COL4A5: variants seen among roughly 807,000 people sequenced by gnomAD.
COL4A5 encodes collagen alpha-5(IV) chain.
Under a neutral mutation model 130.2 loss-of-function variants are expected in COL4A5, and 26 were observed. The ratio of observed to expected loss-of-function variants is 0.20; its 90% confidence interval spans 0.15 to 0.28. The LOEUF (loss-of-function observed/expected upper bound fraction) is 0.28, where lower values mean the gene tolerates loss of function less well. COL4A5 is among the 10% of genes least tolerant of loss of function. COL4A5 has a pLI of 1.00. For missense variants in COL4A5, 1,131 were observed against 1,344.3 expected, an observed-to-expected ratio of 0.84 and a Z score of 2.48; for synonymous variants, 496 against 439.6, an observed-to-expected ratio of 1.13 and a Z score of -1.60.
intron 27 of COL4A5, 28 bp from the exon 28 acceptor site, chrX:108,602,936 G>A (rs752715948): frequency 5.1e-5 from 53 of 1,035,002 alleles, no homozygotes; most frequent in Non-Finnish European, 6.8e-5. Context: ...TTCCTTTGGT[G>A]GTTAAAAAAT....
In COL4A5 at chrX:108,582,927, A is replaced by G. The variant is rs1443836040; in HGVS notation, c.980A>G (p.Asp327Gly). 2.5e-6 allele frequency: 3 copies of G among 1,200,074 alleles called. No homozygotes were observed. The highest frequency in any genetic ancestry group is 3.4e-6 in the Non-Finnish European group (3 of 886,652). ...DPGYPGEPGR[D>G]GEKGQKGDTG... Reference sequence around the variant, plus strand: ...GGTTACCCTGGTGAACCCGGAAGGGATGGTGAAAAGGTAAGAATTTTAATA... The same window carrying G: ...GGTTACCCTGGTGAACCCGGAAGGGGTGGTGAAAAGGTAAGAATTTTAATA... The change falls in exon 17 of 53, where the codon GAT (aspartate) becomes GGT (glycine). Residue 327 changes from aspartate (D) to glycine (G), a missense_variant. Physicochemically the swap from Asp to Gly is moderately conservative, Grantham distance 94. Transcript: ENST00000328300.
chrX:108,631,629 G>C (rs1369012017), intron 36 of COL4A5, among the ~76,000 whole-genome samples: 3 of 111,334 alleles, frequency 2.7e-5, no homozygotes, highest in Non-Finnish European at 5.7e-5. Flanking sequence ...ATAACAAACT[G>C]TCTCTCACAC....
At chrX:108,571,493 T>A in intron 7 of COL4A5, 27 bp downstream of exon 7, 1 of 1,101,602 alleles carries the variant, frequency 9.1e-7, no homozygotes, top group Non-Finnish European at 1.3e-6. Flanking sequence ...GGGATTATGA[T>A]GAACACAGGA....
Position 108,692,787 on chromosome X carries a change from C to T in COL4A5, c.4568C>T (p.Pro1523Leu). The change falls in exon 50 of 53, where the codon CCT becomes CTT. Residue 1523 changes from proline to leucine, a missense_variant. Pro to Leu is a moderately conservative substitution (Grantham distance 98). Coordinates refer to ENST00000328300, the MANE Select transcript of COL4A5 (RefSeq NM_033380.3). The stretch of plus-strand genomic sequence containing the variant: ...TGCCTTCGTCGCTTTAGTACCATGC[C>T]TTTCATGTTCTGCAACATCAATAAT... The part of the protein sequence containing the change: ...GSCLRRFSTM[P>L]FMFCNINNVC... 1.7e-6 allele frequency: 2 copies of T among 1,211,266 alleles called. No homozygotes were observed. The highest frequency in any genetic ancestry group is 2.2e-6 in the Non-Finnish European group (2 of 895,301).
At chrX:108,588,697 A>G (rs112572119) in intron 19 of COL4A5, among the ~76,000 whole-genome samples, 1 of 111,437 alleles carries the variant, frequency 9.0e-6, no homozygotes, top group Non-Finnish European at 1.9e-5. Context: ...ATAGTAATGC[A>G]AAGGTCCATA....
chrX:108,579,935 C>T (rs950949788), intron 13 of COL4A5, among the ~76,000 whole-genome samples: 1 of 111,332 alleles, frequency 9.0e-6, no homozygotes, highest in East Asian at 2.8e-4. Context: ...TGTATATAGA[C>T]AAAAAATTAA....
intron 2 of COL4A5, among the ~76,000 whole-genome samples, chrX:108,548,831 T>A (rs1240820103): frequency 9.0e-6 from 1 of 111,223 alleles, no homozygotes; most frequent in African/African-American, 3.3e-5. Context: ...GAAAACATCG[T>A]TAGAGAGCTA....
chrX:108,462,143 A>G (rs1187051982), intron 1 of COL4A5, among the ~76,000 whole-genome samples: 1 of 111,223 alleles, frequency 9.0e-6, no homozygotes, highest in Non-Finnish European at 1.9e-5. Context: ...AAACTTCTCT[A>G]TAATAAATGT....
intron 2 of COL4A5, among the ~76,000 whole-genome samples, chrX:108,548,906 T>C (rs2065709008): frequency 9.0e-6 from 1 of 111,398 alleles, no homozygotes; most frequent in Non-Finnish European, 1.9e-5. Context: ...AAAGGCAGAT[T>C]TAAGACATTT....
chrX:108,680,442 C>T (rs2068403244), intron 44 of COL4A5, among the ~76,000 whole-genome samples: 2 of 111,347 alleles, frequency 1.8e-5, no homozygotes, highest in South Asian at 7.6e-4. Flanking sequence ...CTCACCACAA[C>T]CCTATGAAGT....
In COL4A5 at chrX:108,640,503, T is replaced by A. The variant is rs139702850; in HGVS notation, c.3246+14154T>A. Reference sequence around the variant, plus strand: ...CACTATAGTTTAAAATATTGTGTTGTATACTTGAAATTTGTTGAGAGTAGA... The same window carrying A: ...CACTATAGTTTAAAATATTGTGTTGAATACTTGAAATTTGTTGAGAGTAGA... On this transcript the variant is annotated intron_variant, in intron 36 of 52. Transcript: ENST00000328300. Among the ~76,000 whole-genome samples the A allele has an allele frequency of 1.0e-3, 114 of 111,546 alleles. 4 individuals are homozygous for A. The East Asian group carries it at 0.031, about 30-fold the overall frequency.
At chrX:108,518,207 C>A (rs2065237378) in intron 1 of COL4A5, among the ~76,000 whole-genome samples, 1 of 110,942 alleles carries the variant, frequency 9.0e-6, no homozygotes, top group South Asian at 3.7e-4. Context: ...TACCCAAATA[C>A]CATTAAAATT....
chrX:108,665,416 C>T, intron 37 of COL4A5, 91 bp from the exon 38 acceptor site: 1 of 616,346 alleles, frequency 1.6e-6, no homozygotes, highest in East Asian at 3.5e-5. Context: ...TTCACTGTTT[C>T]TATGCTAGCA....
At chrX:108,581,400 G>A (rs780799085) in intron 16 of COL4A5, among the ~76,000 whole-genome samples, 17 of 111,547 alleles carry the variant, frequency 1.5e-4, no homozygotes, top group Admixed American at 2.9e-4. Context: ...GATTTATTGA[G>A]ATATAATTTA....
At position 108,630,159 on chromosome X, in the gene COL4A5, T is replaced by C. The variant is rs183026642; in HGVS notation, c.3246+3810T>C. On this transcript the variant is annotated intron_variant, in intron 36 of 52. Transcript: ENST00000328300. ...TTATAGCAGCATGATTTATAATCCTTTGGGTATATACCCAGTAATGGGATG... is the reference window on the plus strand; with the variant it reads ...TTATAGCAGCATGATTTATAATCCTCTGGGTATATACCCAGTAATGGGATG... Among the ~76,000 whole-genome samples, 3 of 112,143 alleles carry C rather than the reference T, an allele frequency of 2.7e-5. No homozygotes were observed. In the East Asian group the frequency reaches 8.5e-4, roughly 32 times the overall value.
chrX:108,635,619 C>A (rs554403497), intron 36 of COL4A5, among the ~76,000 whole-genome samples: 2 of 111,675 alleles, frequency 1.8e-5, no homozygotes, highest in Non-Finnish European at 3.8e-5. Context: ...TCAAAGAAAT[C>A]TTGAGAAGAA....
intron 1 of COL4A5, among the ~76,000 whole-genome samples, chrX:108,527,625 A>T (rs2065339794): frequency 9.0e-6 from 1 of 111,691 alleles, no homozygotes; most frequent in Non-Finnish European, 1.9e-5. Flanking sequence ...CTCCACCTGG[A>T]TACTGAATAT....
chrX:108,447,472 A>G (rs144966013), intron 1 of COL4A5, among the ~76,000 whole-genome samples: 2 of 111,965 alleles, frequency 1.8e-5, no homozygotes, highest in Non-Finnish European at 3.8e-5. Context: ...AGCTTGCGCA[A>G]TTGAAATTTA....
intron 1 of COL4A5, among the ~76,000 whole-genome samples, chrX:108,485,882 T>C (rs2064939702): frequency 9.0e-6 from 1 of 110,974 alleles, no homozygotes. Flanking sequence ...AGCTCAGCAC[T>C]GGGACTTGCA....
Sources: gnomAD v4.1 joint callset for allele counts (sites outside exome capture counted in the v4.1 genomes callset) on GRCh38, gnomAD v4.1.1 for gene constraint, MANE v1.5 for transcripts, NCBI Gene and HGNC (gene_info 2026-07-23, HGNC 2026-07-21) for gene names.